Variants in NELL1 observed in about 807,000 individuals in gnomAD.
NELL1 encodes the protein protein kinase C-binding protein NELL1.
NELL1 carries 76 observed loss-of-function variants against 107.4 expected under a neutral mutation model. The observed-to-expected ratio is 0.71, with a 90% CI of 0.59 to 0.86. NELL1 has a LOEUF of 0.86. Ranked by LOEUF, NELL1 falls within the 40% of genes least tolerant of loss-of-function variation. NELL1 has a pLI of 0.00. For synonymous variants in NELL1, 353 were observed against 341.2 expected (o/e 1.03, Z -0.38); for missense variants, 1,024 against 1,005.5 (o/e 1.02, Z -0.25).
intron 12 of NELL1, among the ~76,000 whole-genome samples, chr11:20,989,495 T>G (rs1851925598): frequency 6.6e-6 from 1 of 152,232 alleles, no homozygotes; most frequent in Non-Finnish European, 1.5e-5. Context: ...CCTTATCTTC[T>G]TGACTTTGAT....
intron 14 of NELL1, among the ~76,000 whole-genome samples, chr11:21,267,153 T>C (rs1295941290): frequency 6.6e-6 from 1 of 152,128 alleles, no homozygotes; most frequent in Non-Finnish European, 1.5e-5. Context: ...TATATGCATC[T>C]ACATCCTCAT....
intron 3 of NELL1, among the ~76,000 whole-genome samples, chr11:20,791,527 TTA>T (rs1857072833): frequency 6.6e-6 from 1 of 152,290 alleles, no homozygotes; most frequent in East Asian, 1.9e-4. Flanking sequence ...GGAGATTGTT[TTA>T]TGTCTTCCTG....
intron 15 of NELL1, among the ~76,000 whole-genome samples, chr11:21,440,169 G>T (rs1193046833): frequency 6.6e-6 from 1 of 151,610 alleles, no homozygotes; most frequent in African/African-American, 2.4e-5. Flanking sequence ...GCTTCTTATA[G>T]TAGATTTACC....
intron 12 of NELL1, among the ~76,000 whole-genome samples, chr11:21,084,655 A>G (rs1355609495): frequency 1.3e-5 from 2 of 152,114 alleles, no homozygotes; most frequent in South Asian, 2.1e-4. Context: ...GATGAGTGCC[A>G]TTTATTAGTC....
intron 2 of NELL1, among the ~76,000 whole-genome samples, chr11:20,755,879 T>A (rs1430263908): frequency 1.8e-5 from 2 of 108,188 alleles, no homozygotes; most frequent in African/African-American, 9.6e-5. Context: ...TTTTTTTTTT[T>A]TTTTTTTTTT....
At chr11:21,049,030 A>G (rs1226105827) in intron 12 of NELL1, among the ~76,000 whole-genome samples, 1 of 152,348 alleles carries the variant, frequency 6.6e-6, no homozygotes, top group African/African-American at 2.4e-5. Context: ...ACTGCCATGC[A>G]GTCACAATAA....
intron 15 of NELL1, among the ~76,000 whole-genome samples, chr11:21,416,993 A>G (rs1852534250): frequency 6.6e-6 from 1 of 152,082 alleles, no homozygotes; most frequent in South Asian, 2.1e-4. Context: ...GAGGAGTACA[A>G]AATTAAATAA....
intron 13 of NELL1, among the ~76,000 whole-genome samples, chr11:21,202,247 G>A (rs141521027): frequency 0.037 from 5,652 of 152,160 alleles, 174 homozygotes; most frequent in South Asian, 0.14. Flanking sequence ...CTGTGAATCC[G>A]TCTGGTCCTG....
chr11:21,482,988 A>T (rs1315402310), intron 15 of NELL1, among the ~76,000 whole-genome samples: 1 of 149,960 alleles, frequency 6.7e-6, no homozygotes, highest in Non-Finnish European at 1.5e-5. Context: ...GGCCTCTATA[A>T]TTTTTTTTTT....
intron 14 of NELL1, among the ~76,000 whole-genome samples, chr11:21,261,387 C>T (rs1848528132): frequency 6.6e-6 from 1 of 151,704 alleles, no homozygotes; most frequent in Non-Finnish European, 1.5e-5. Flanking sequence ...TGTTGTTCCC[C>T]TCTACATGTC....
intron 16 of NELL1, among the ~76,000 whole-genome samples, chr11:21,535,183 G>A (rs1201354280): frequency 6.6e-6 from 1 of 152,152 alleles, no homozygotes; most frequent in Non-Finnish European, 1.5e-5. Flanking sequence ...AGCAGATGGA[G>A]TTATTCACCT....
chr11:21,100,183 A>T (rs1418008546), intron 12 of NELL1, among the ~76,000 whole-genome samples: 1 of 151,840 alleles, frequency 6.6e-6, no homozygotes, highest in Non-Finnish European at 1.5e-5. Flanking sequence ...CGCCTGGATA[A>T]TTTTTTGTAT....
At chr11:21,317,037 T>C (rs1849894180) in intron 14 of NELL1, among the ~76,000 whole-genome samples, 1 of 152,276 alleles carries the variant, frequency 6.6e-6, no homozygotes, top group Non-Finnish European at 1.5e-5. Context: ...TTTCATCTAA[T>C]GTAAACATTT....
At chr11:21,320,287 T>A (rs940924503) in intron 14 of NELL1, among the ~76,000 whole-genome samples, 19 of 152,310 alleles carry the variant, frequency 1.2e-4, no homozygotes, top group Admixed American at 9.8e-4. Flanking sequence ...GTTTTTCCTC[T>A]GGAAATCAAA....
chr11:20,792,067 G>A (rs559627993), intron 3 of NELL1, among the ~76,000 whole-genome samples: 1 of 152,060 alleles, frequency 6.6e-6, no homozygotes, highest in African/African-American at 2.4e-5. Flanking sequence ...GTATTGGTCT[G>A]CAGCTTGCTT....
intron 13 of NELL1, among the ~76,000 whole-genome samples, chr11:21,137,289 A>G (rs1855764556): frequency 6.6e-6 from 1 of 152,228 alleles, no homozygotes. Flanking sequence ...AGAGACCTGG[A>G]GGTGGAAGAA....
At chr11:21,215,123 G>T (rs1303967466) in intron 13 of NELL1, among the ~76,000 whole-genome samples, 1 of 152,062 alleles carries the variant, frequency 6.6e-6, no homozygotes, top group Non-Finnish European at 1.5e-5. Flanking sequence ...TAAGGTAATT[G>T]AATCATGAGG....
intron 15 of NELL1, among the ~76,000 whole-genome samples, chr11:21,442,942 C>CTTTTTTTTTTTTTTTTTTTTTTTTTCT (rs66501874): frequency 3.5e-5 from 2 of 57,564 alleles, no homozygotes; most frequent in Non-Finnish European, 6.5e-5. Flanking sequence ...GCTATCTTTC[C>CTTTTTTTTTTTTTTTTTTTTTTTTTCT]TTTTTTTTTT....
chr11:21,073,393 G>A (rs1854061627), intron 12 of NELL1, among the ~76,000 whole-genome samples: 1 of 152,138 alleles, frequency 6.6e-6, no homozygotes. Context: ...ATTGTGGTCT[G>A]ACAATTTTGG....
Sources: allele counts gnomAD v4.1 joint callset (sites outside exome capture counted in the v4.1 genomes callset), GRCh38; gene constraint gnomAD v4.1.1; transcripts MANE v1.5; gene names NCBI Gene and HGNC (gene_info 2026-07-23, HGNC 2026-07-21).